ACER1: variants seen among roughly 807,000 people sequenced by gnomAD.
ACER1 encodes the protein CTB-180A7.3.
ACER1 carries 28 observed loss-of-function variants against 24.9 expected under a neutral mutation model. The observed-to-expected ratio is 1.13, with a 90% CI of 0.83 to 1.54. ACER1 has a LOEUF of 1.54. ACER1 is among the 40% of genes most tolerant of loss of function. ACER1 has a pLI of 0.00. For synonymous variants in ACER1, 132 were observed against 131.4 expected, an observed-to-expected ratio of 1.00 and a Z score of -0.03; for missense variants, 352 against 349.3, an observed-to-expected ratio of 1.01 and a Z score of -0.06.
At chr19:6,327,490 G>A (rs1007493360) in intron 1 of ACER1, among the ~76,000 whole-genome samples, 10 of 152,042 alleles carry the variant, frequency 6.6e-5, no homozygotes, top group Admixed American at 3.9e-4. Flanking sequence ...GTGTGAACCC[G>A]GGAGGCGGAG....
At chr19:6,348,465 G>GAAAA in the ACER1 span, among the ~76,000 whole-genome samples, 17 of 101,894 alleles carry the variant, frequency 1.7e-4, no homozygotes, top group African/African-American at 5.7e-4. Flanking sequence ...ACTCCATCTG[G>GAAAA]AAAAAAAAAA....
chr19:6,314,872 T>TTTTATTTATTTATTTA (rs141253604), intron 1 of ACER1, among the ~76,000 whole-genome samples: 89 of 150,216 alleles, frequency 5.9e-4, no homozygotes, highest in African/African-American at 2.1e-3. Context: ...CACAATGGAA[T>TTTTATTTATTTATTTA]TTTATTTATT....
intron 1 of ACER1, among the ~76,000 whole-genome samples, chr19:6,315,207 A>C (rs2091597499): frequency 6.7e-6 from 1 of 150,062 alleles, no homozygotes; most frequent in South Asian, 2.1e-4. Context: ...TTATTTATTT[A>C]TTTATTTATT....
chr19:6,347,751 G>T, the ACER1 span, among the ~76,000 whole-genome samples: 1 of 151,982 alleles, frequency 6.6e-6, no homozygotes, highest in African/African-American at 2.4e-5. Context: ...CAGGAGAATC[G>T]CTTGAACCCA....
At chr19:6,352,601 C>A in the ACER1 span, among the ~76,000 whole-genome samples, 1 of 152,196 alleles carries the variant, frequency 6.6e-6, no homozygotes, top group Non-Finnish European at 1.5e-5. Flanking sequence ...CTAACTGAAA[C>A]ACAGGTGTAT....
At chr19:6,337,256 T>G (rs1385967053), upstream of ACER1, among the ~76,000 whole-genome samples, 1 of 151,990 alleles carries the variant, frequency 6.6e-6, no homozygotes, top group Non-Finnish European at 1.5e-5. Flanking sequence ...AGAGGCTCAG[T>G]CAGTGCTAAT....
intron 1 of ACER1, among the ~76,000 whole-genome samples, chr19:6,325,366 A>T (rs1475940155): frequency 6.6e-6 from 1 of 151,908 alleles, no homozygotes; most frequent in Non-Finnish European, 1.5e-5. Flanking sequence ...CCACCTCAAG[A>T]CCTTGGCCGG....
chr19:6,308,304 G>A (rs1207418029), intron 4 of ACER1, among the ~76,000 whole-genome samples: 3 of 151,652 alleles, frequency 2.0e-5, no homozygotes, highest in East Asian at 3.9e-4. Flanking sequence ...GCGTGGTGGC[G>A]TGTGTCTGTA....
intron 1 of ACER1, among the ~76,000 whole-genome samples, chr19:6,312,762 A>C (rs1600235968): frequency 7.1e-6 from 1 of 140,882 alleles, no homozygotes; most frequent in African/African-American, 2.7e-5. Context: ...TGCAACCTCC[A>C]CCTCCCAGGT....
chr19:6,324,910 A>AGGAAGGAAGGAAGGAAGGAG (rs1469686284), intron 1 of ACER1, among the ~76,000 whole-genome samples: 5 of 145,660 alleles, frequency 3.4e-5, no homozygotes, highest in African/African-American at 1.3e-4. Context: ...GAAGGAAGGA[A>AGGAAGGAAGGAAGGAAGGAG]GGAGGAAGGA....
At chr19:6,307,049 C>T in intron 5 of ACER1, 104 bp downstream of exon 5, 3 of 1,543,326 alleles carry the variant, frequency 1.9e-6, no homozygotes, top group South Asian at 1.2e-5. Flanking sequence ...TCTGGCTCTC[C>T]TCTCTCTGCT....
chr19:6,321,714 T>A (rs1170807559), intron 1 of ACER1, among the ~76,000 whole-genome samples: 1 of 151,908 alleles, frequency 6.6e-6, no homozygotes, highest in Non-Finnish European at 1.5e-5. Flanking sequence ...TTCAAGCGAT[T>A]CTTCTGCCTC....
the ACER1 span, among the ~76,000 whole-genome samples, chr19:6,359,431 G>A: frequency 1.3e-5 from 2 of 150,992 alleles, no homozygotes; most frequent in Non-Finnish European, 2.9e-5. Flanking sequence ...TGATTCTCCT[G>A]ACTCAGCCTC....
upstream of ACER1, among the ~76,000 whole-genome samples, chr19:6,336,049 C>T (rs2091713182): frequency 2.0e-5 from 3 of 151,682 alleles, no homozygotes; most frequent in South Asian, 2.1e-4. Context: ...TACAGGCACC[C>T]GCCAGCATGC....
the ACER1 span, among the ~76,000 whole-genome samples, chr19:6,351,876 G>A: frequency 6.6e-6 from 1 of 152,024 alleles, no homozygotes; most frequent in Non-Finnish European, 1.5e-5. Flanking sequence ...CTAACACGGT[G>A]AAACCCCATC....
the ACER1 span, among the ~76,000 whole-genome samples, chr19:6,357,846 G>A: frequency 6.6e-6 from 1 of 152,144 alleles, no homozygotes. Context: ...AGTGACGTGG[G>A]TGATACTGGA....
intron 3 of ACER1, among the ~76,000 whole-genome samples, chr19:6,310,876 T>TAAAAAAA: frequency 8.2e-6 from 1 of 122,114 alleles, no homozygotes; most frequent in Non-Finnish European, 1.8e-5. Flanking sequence ...AGACTTCATC[T>TAAAAAAA]AAAAAAAAAA....
chr19:6,311,341 C>T (rs377532361), intron 3 of ACER1, among the ~76,000 whole-genome samples: 29 of 151,870 alleles, frequency 1.9e-4, no homozygotes, highest in South Asian at 6.2e-4. Context: ...ATCAGGAGAT[C>T]GAGACCAGCC....
chr19:6,357,098 G>A, the ACER1 span, among the ~76,000 whole-genome samples: 1 of 148,220 alleles, frequency 6.7e-6, no homozygotes, highest in South Asian at 2.2e-4. Flanking sequence ...AGGCTGGAGT[G>A]CAATGGTGTA....
Sources: allele counts gnomAD v4.1 joint callset (sites outside exome capture counted in the v4.1 genomes callset), GRCh38; gene constraint gnomAD v4.1.1; transcripts MANE v1.5; gene names NCBI Gene and HGNC (gene_info 2026-07-23, HGNC 2026-07-21).